Variants in XKR6 observed in about 807,000 individuals in gnomAD.
The protein encoded by XKR6 is XK-related protein 6.
Under a neutral mutation model 56.7 loss-of-function variants are expected in XKR6, and 22 were observed. The observed-to-expected ratio is 0.39, with a 90% CI of 0.28 to 0.55. XKR6 has a LOEUF of 0.55. Ranked by LOEUF, XKR6 falls within the 20% of genes least tolerant of loss-of-function variation. XKR6 has a pLI of 0.66. For missense variants in XKR6, 852 were observed against 889.0 expected, an observed-to-expected ratio of 0.96 and a Z score of 0.53; for synonymous variants, 524 against 387.8, an observed-to-expected ratio of 1.35 and a Z score of -4.13.
At chr8:11,021,042 G>T (rs1328413704) in intron 1 of XKR6, among the ~76,000 whole-genome samples, 1 of 152,066 alleles carries the variant, frequency 6.6e-6, no homozygotes, top group Non-Finnish European at 1.5e-5. Flanking sequence ...GGGACCCTAG[G>T]GGGTCCTATG....
intron 1 of XKR6, among the ~76,000 whole-genome samples, chr8:10,975,751 C>G (rs1325497416): frequency 6.6e-6 from 1 of 152,216 alleles, no homozygotes; most frequent in East Asian, 1.9e-4. Context: ...GACCGCAAGG[C>G]CGAGTCACAC....
intron 1 of XKR6, among the ~76,000 whole-genome samples, chr8:11,098,553 T>C (rs1798347289): frequency 6.6e-6 from 1 of 152,184 alleles, no homozygotes; most frequent in South Asian, 2.1e-4. Context: ...TCATCAGAAC[T>C]ATGCCGAAAA....
At chr8:10,950,239 G>A (rs952591643) in intron 1 of XKR6, among the ~76,000 whole-genome samples, 54 of 152,298 alleles carry the variant, frequency 3.5e-4, no homozygotes, top group African/African-American at 1.2e-3. Context: ...CCAATGGATA[G>A]TGCAGGGGGC....
intron 1 of XKR6, among the ~76,000 whole-genome samples, chr8:11,163,403 G>A (rs551057602): frequency 0.056 from 8,367 of 149,470 alleles, 491 homozygotes; most frequent in African/African-American, 0.16. Flanking sequence ...TTTATCTCTT[G>A]TCACCATTAT....
Position 11,200,766 on chromosome 8 carries a change from C to T in XKR6, c.574G>A (p.Gly192Arg), listed in dbSNP as rs1445221442. ...RWFVQDYTGGGLGAVEGLTSR... is the reference protein window; with the variant it reads ...RWFVQDYTGGRLGAVEGLTSR... ...GTGAGCCCCTCCACGGCGCCCAGCC[C>T]GCCGCCCGTGTAGTCCTGCACGAAC... The change falls in exon 1 of 3, where the codon GGG becomes AGG. Residue 192 changes from glycine to arginine, a missense_variant. Around this residue, in one of 4 missense-constraint regions of XKR6, gnomAD observed 417 missense variants for 355.2 expected, o/e 1.17. Coordinates refer to ENST00000416569, the MANE Select transcript of XKR6 (RefSeq NM_173683.4). The surrounding 1 kb of genome is among the most constrained non-coding windows in gnomAD (Gnocchi z 6.4). The T allele has an allele frequency of 1.2e-6, 2 of 1,601,262 alleles. No homozygotes were observed. The highest frequency in any genetic ancestry group is 1.7e-6 in the Non-Finnish European group (2 of 1,175,504).
At chr8:11,013,995 C>T (rs184279229) in intron 1 of XKR6, among the ~76,000 whole-genome samples, 2 of 152,354 alleles carry the variant, frequency 1.3e-5, no homozygotes, top group African/African-American at 4.8e-5. Context: ...TTTGTCCAAA[C>T]GTGCCTTTAC....
At chr8:11,090,332 C>G (rs941871678) in intron 1 of XKR6, among the ~76,000 whole-genome samples, 2 of 152,190 alleles carry the variant, frequency 1.3e-5, no homozygotes, top group Non-Finnish European at 2.9e-5. Context: ...AAGTGATCCT[C>G]CCCTCTCAGC....
chr8:10,927,117 T>C (rs1800910788), intron 1 of XKR6, among the ~76,000 whole-genome samples: 1 of 152,136 alleles, frequency 6.6e-6, no homozygotes, highest in African/African-American at 2.4e-5. Context: ...GAAGCAGATG[T>C]CATCATCGGT....
intron 1 of XKR6, among the ~76,000 whole-genome samples, chr8:10,963,355 T>G (rs1204644260): frequency 6.6e-6 from 1 of 152,152 alleles, no homozygotes; most frequent in Non-Finnish European, 1.5e-5. Flanking sequence ...CTCCAAATGT[T>G]CCACCTCCCC....
chr8:11,112,088 C>T (rs1051567382), intron 1 of XKR6, among the ~76,000 whole-genome samples: 2 of 152,102 alleles, frequency 1.3e-5, no homozygotes, highest in Non-Finnish European at 2.9e-5. Context: ...ATAAATATTA[C>T]ACAATACTCA....
intron 1 of XKR6, among the ~76,000 whole-genome samples, chr8:11,127,691 C>G (rs1799882010): frequency 6.6e-6 from 1 of 152,168 alleles, no homozygotes; most frequent in South Asian, 2.1e-4. Context: ...CCCACCTTAC[C>G]CAGATAATCC....
In XKR6 at chr8:10,984,649, A is replaced by G. The variant is rs911444862; in HGVS notation, c.765-59819T>C. 6.6e-5 allele frequency among the ~76,000 whole-genome samples: 10 copies of G among 150,682 alleles called. No individual in the cohort carries two copies. The South Asian group carries it at 2.1e-3, about 32-fold the overall frequency. On this transcript the variant is annotated intron_variant, in intron 1 of 2. Coordinates refer to ENST00000416569, the MANE Select transcript of XKR6 (RefSeq NM_173683.4). ...AAGCAAAAATCCATCAGCTTTCCAA[A>G]TGAAAACAACATTTTTTAAAAGTAA... is the stretch of plus-strand genomic sequence containing the variant.
chr8:10,957,203 G>A (rs1015182384), intron 1 of XKR6, among the ~76,000 whole-genome samples: 5 of 152,082 alleles, frequency 3.3e-5, no homozygotes, highest in African/African-American at 4.8e-5. Context: ...CACCAGCTTC[G>A]GCCTCCTGAA....
rs545855482 is a variant in XKR6, at chr8:11,028,364, C to T, written c.765-103534G>A. ...TACCCGTTCACCTGCTGACGGACACCTTGCTTGTTTCCAAGTTTCAGTAAG... is the reference window on the plus strand; with the variant it reads ...TACCCGTTCACCTGCTGACGGACACTTTGCTTGTTTCCAAGTTTCAGTAAG... On this transcript the variant is annotated intron_variant, in intron 1 of 2. Coordinates refer to ENST00000416569, the MANE Select transcript of XKR6 (RefSeq NM_173683.4). Among the ~76,000 whole-genome samples the T allele has an allele frequency of 4.6e-5, 7 of 152,298 alleles. No homozygotes were observed. In the East Asian group the frequency reaches 9.6e-4, roughly 21 times the overall value.
chr8:10,942,767 C>T (rs755192265), intron 1 of XKR6, among the ~76,000 whole-genome samples: 3 of 152,354 alleles, frequency 2.0e-5, no homozygotes, highest in African/African-American at 4.8e-5. Context: ...GCCTTCCCTC[C>T]GCCCTGTTCA....
chr8:10,941,536 C>T (rs1801386753), intron 1 of XKR6, among the ~76,000 whole-genome samples: 1 of 152,218 alleles, frequency 6.6e-6, no homozygotes, highest in African/African-American at 2.4e-5. Context: ...GACCTTCAGC[C>T]CCGCAGGCAG....
intron 1 of XKR6, among the ~76,000 whole-genome samples, chr8:10,973,162 G>A (rs927846517): frequency 2.0e-5 from 3 of 152,220 alleles, no homozygotes; most frequent in African/African-American, 7.2e-5. Flanking sequence ...AGGAATTGAT[G>A]AAACATCTAT....
At chr8:11,191,470 C>A (rs1803570232) in intron 1 of XKR6, among the ~76,000 whole-genome samples, 1 of 152,134 alleles carries the variant, frequency 6.6e-6, no homozygotes, top group South Asian at 2.1e-4. Flanking sequence ...CTTAGCATCA[C>A]TAATAGTGGG....
chr8:11,134,941 T>C (rs889900084), intron 1 of XKR6, among the ~76,000 whole-genome samples: 2 of 152,166 alleles, frequency 1.3e-5, no homozygotes, highest in Admixed American at 1.3e-4. Context: ...ATTTCCATTA[T>C]ACTCTGCTGA....
Sources: gnomAD v4.1 joint callset for allele counts (sites outside exome capture counted in the v4.1 genomes callset) on GRCh38, gnomAD v4.1.1 for gene constraint, gnomAD v4.1.1 regional missense constraint, Gnocchi (gnomAD v3.1) non-coding constraint, MANE v1.5 for transcripts, NCBI Gene and HGNC (gene_info 2026-07-23, HGNC 2026-07-21) for gene names.